CTNNA3: variants seen among roughly 807,000 people sequenced by gnomAD.
CTNNA3 encodes the protein catenin alpha-3.
In CTNNA3, 76 loss-of-function variants were observed where a neutral mutation model predicts 95.7. The observed-to-expected ratio is 0.79, with a 90% confidence interval of 0.66 to 0.96. CTNNA3 has a LOEUF of 0.96. Ranked by LOEUF, CTNNA3 falls within the 40% of genes least tolerant of loss-of-function variation. The pLI, the probability that CTNNA3 is intolerant of heterozygous loss-of-function variation, is 0.00. For synonymous variants in CTNNA3, 431 were observed against 374.4 expected (o/e 1.15, Z -1.74); for missense variants, 1,191 against 1,089.8 (o/e 1.09, Z -1.31).
chr10:67,165,430 G>A (rs1230829493), intron 7 of CTNNA3, among the ~76,000 whole-genome samples: 2 of 152,072 alleles, frequency 1.3e-5, no homozygotes, highest in African/African-American at 2.4e-5. Context: ...TTGTAGTGAT[G>A]GAATATTTCT....
chr10:65,935,468 CT>C (rs1475823555), intron 17 of CTNNA3, among the ~76,000 whole-genome samples: 3 of 152,164 alleles, frequency 2.0e-5, no homozygotes, highest in Non-Finnish European at 1.5e-5. Context: ...ACAGAGGCAA[CT>C]TGTCCTGTGC....
intron 9 of CTNNA3, among the ~76,000 whole-genome samples, chr10:66,706,531 A>T (rs1376531157): frequency 6.6e-6 from 1 of 152,026 alleles, no homozygotes; most frequent in Non-Finnish European, 1.5e-5. Context: ...ACAGCAGTGG[A>T]TTAAAAAAAC....
At chr10:66,925,690 A>T (rs1847027015) in intron 7 of CTNNA3, among the ~76,000 whole-genome samples, 1 of 152,226 alleles carries the variant, frequency 6.6e-6, no homozygotes, top group Non-Finnish European at 1.5e-5. Context: ...TATAAATTTC[A>T]GTTTAAAGCC....
intron 7 of CTNNA3, among the ~76,000 whole-genome samples, chr10:67,118,165 A>G (rs1859281336): frequency 6.6e-6 from 1 of 152,050 alleles, no homozygotes; most frequent in South Asian, 2.1e-4. Context: ...GTTGGAATAA[A>G]GAATAATGCA....
At chr10:65,922,103 A>G (rs527869935) in intron 17 of CTNNA3, among the ~76,000 whole-genome samples, 8 of 152,286 alleles carry the variant, frequency 5.3e-5, no homozygotes, top group African/African-American at 1.7e-4. Context: ...ACTGGAACCA[A>G]GTAAGTCTGG....
At chr10:65,979,532 T>A (rs2133297134) in intron 16 of CTNNA3, among the ~76,000 whole-genome samples, 1 of 152,178 alleles carries the variant, frequency 6.6e-6, no homozygotes, top group East Asian at 1.9e-4. Context: ...AAATTCTGGT[T>A]ATTTGGAATT....
intron 11 of CTNNA3, among the ~76,000 whole-genome samples, chr10:66,413,129 T>C (rs7923627): frequency 0.19 from 28,294 of 152,080 alleles, 2,903 homozygotes; most frequent in South Asian, 0.28. Flanking sequence ...CACACACACA[T>C]TGTATACAGT....
At chr10:67,459,103 T>A (rs917144020) in intron 5 of CTNNA3, among the ~76,000 whole-genome samples, 2 of 152,240 alleles carry the variant, frequency 1.3e-5, no homozygotes, top group African/African-American at 4.8e-5. Context: ...GAGCACTATG[T>A]CTGTTTTAAC....
intron 11 of CTNNA3, among the ~76,000 whole-genome samples, chr10:66,454,675 C>CA (rs919828565): frequency 6.6e-6 from 1 of 151,932 alleles, no homozygotes. Flanking sequence ...GCCAACTCTA[C>CA]AAAATCTCCT....
chr10:67,317,727 A>G (rs1841119642), intron 5 of CTNNA3, among the ~76,000 whole-genome samples: 1 of 152,066 alleles, frequency 6.6e-6, no homozygotes, highest in Admixed American at 6.6e-5. Flanking sequence ...CCTGGCCATC[A>G]TCGGGGGTTT....
At chr10:66,429,224 T>G (rs1266909124) in intron 11 of CTNNA3, among the ~76,000 whole-genome samples, 1 of 152,154 alleles carries the variant, frequency 6.6e-6, no homozygotes, top group Non-Finnish European at 1.5e-5. Context: ...AATCTCTGAA[T>G]ACACCAATAA....
chr10:67,312,243 T>G (rs1840842796), intron 5 of CTNNA3, among the ~76,000 whole-genome samples: 1 of 152,128 alleles, frequency 6.6e-6, no homozygotes, highest in African/African-American at 2.4e-5. Flanking sequence ...CAGCTAATTT[T>G]TGACTTTTTG....
Position 67,747,285 on chromosome 10 carries a change from G to A in CTNNA3, c.-2+16149C>T, listed in dbSNP as rs143767175. Among the ~76,000 whole-genome samples, 11 of 152,338 alleles carry A rather than the reference G, an allele frequency of 7.2e-5. 1 individual carries two copies. The highest frequency in any genetic ancestry group is 2.1e-4 in the South Asian group (1 of 4,832). On this transcript the variant is annotated intron_variant, in intron 1 of 17. Coordinates refer to the CTNNA3 transcript ENST00000684154. Reference sequence around the variant, plus strand: ...CCCCCTCCACCAAGGGGCAGCCAGCGTGCTTTATTAAGTGGGTCCTGGATC... The same window carrying A: ...CCCCCTCCACCAAGGGGCAGCCAGCATGCTTTATTAAGTGGGTCCTGGATC...
intron 7 of CTNNA3, among the ~76,000 whole-genome samples, chr10:66,897,161 A>G (rs1845528856): frequency 6.6e-6 from 1 of 152,128 alleles, no homozygotes; most frequent in Non-Finnish European, 1.5e-5. Context: ...AATATTACTA[A>G]ATATTGTTAT....
chr10:66,130,062 G>A (rs2083015405), intron 13 of CTNNA3, among the ~76,000 whole-genome samples: 1 of 151,990 alleles, frequency 6.6e-6, no homozygotes. Flanking sequence ...TGCCAACACT[G>A]CCATCAGTGC....
At chr10:67,069,984 T>C (rs1269043609) in intron 7 of CTNNA3, among the ~76,000 whole-genome samples, 1 of 152,196 alleles carries the variant, frequency 6.6e-6, no homozygotes, top group African/African-American at 2.4e-5. Flanking sequence ...TCAAAATTTT[T>C]CCAAAGATGT....
At chr10:66,246,181 C>T (rs1350102960) in intron 13 of CTNNA3, among the ~76,000 whole-genome samples, 1 of 152,204 alleles carries the variant, frequency 6.6e-6, no homozygotes, top group Non-Finnish European at 1.5e-5. Flanking sequence ...GTGGGCACCA[C>T]ACTGAGAGCA....
rs566990977 is a variant in CTNNA3 at position 66,655,604 on chromosome 10, G to A, written c.1282-33820C>T. 2.0e-5 allele frequency among the ~76,000 whole-genome samples: 3 copies of A among 152,182 alleles called. No homozygotes were observed. The South Asian group carries it at 6.2e-4, about 32-fold the overall frequency. On this transcript the variant is annotated intron_variant, in intron 9 of 17. Transcript: ENST00000433211. ...ATGAATGCAGTATGATTAAAAGTCT[G>A]GTGATAGGATAAGGATGCATCTCTA...
chr10:66,071,078 C>T (rs924796197), intron 14 of CTNNA3, among the ~76,000 whole-genome samples: 2 of 152,056 alleles, frequency 1.3e-5, no homozygotes, highest in African/African-American at 2.4e-5. Context: ...CAATTTCAAC[C>T]ACGCTGAAAA....
Sources: allele counts gnomAD v4.1 joint callset (sites outside exome capture counted in the v4.1 genomes callset), GRCh38; gene constraint gnomAD v4.1.1; transcripts MANE v1.5; gene names NCBI Gene and HGNC (gene_info 2026-07-23, HGNC 2026-07-21).